Variants in RIMS1 observed in about 807,000 individuals in gnomAD.
The protein encoded by RIMS1 is regulating synaptic membrane exocytosis 1, also known as regulating synaptic membrane exocytosis protein 1.
RIMS1 carries 83 observed loss-of-function variants against 214.1 expected under a neutral mutation model. The ratio of observed to expected loss-of-function variants is 0.39; its 90% CI spans 0.32 to 0.47. The LOEUF (loss-of-function observed/expected upper bound fraction) is 0.47. Ranked by LOEUF, RIMS1 falls within the 20% of genes least tolerant of loss-of-function variation. The pLI, the probability that RIMS1 is intolerant of heterozygous loss-of-function variation, is 0.99. For missense variants in RIMS1, 2,050 were observed against 2,161.8 expected (o/e 0.95, Z 1.03); for synonymous variants, 793 against 786.8 (o/e 1.01, Z -0.13).
At chr6:72,331,875 A>G (rs757152150) in intron 28 of RIMS1, among the ~76,000 whole-genome samples, 1 of 151,878 alleles carries the variant, frequency 6.6e-6, no homozygotes, top group Non-Finnish European at 1.5e-5. Context: ...GACAAGTTCA[A>G]GTAATGCAGC....
chr6:72,227,367 A>G (rs2060500363), intron 6 of RIMS1, among the ~76,000 whole-genome samples: 2 of 151,976 alleles, frequency 1.3e-5, no homozygotes, highest in African/African-American at 2.4e-5. Flanking sequence ...CTCTATAGTT[A>G]TAATGCAGTT....
At chr6:72,162,729 G>A (rs1296255453) in intron 4 of RIMS1, among the ~76,000 whole-genome samples, 1 of 140,560 alleles carries the variant, frequency 7.1e-6, no homozygotes, top group African/African-American at 2.5e-5. Context: ...ACTGTCTTCT[G>A]GCTTGTAGAG....
chr6:71,991,294 T>C (rs1204251323), intron 2 of RIMS1, among the ~76,000 whole-genome samples: 1 of 152,174 alleles, frequency 6.6e-6, no homozygotes, highest in Non-Finnish European at 1.5e-5. Context: ...TTTAACAGCA[T>C]TTTATGTCGA....
intron 17 of RIMS1, 65 bp from the exon 18 acceptor site, chr6:72,258,921 A>C: frequency 5.4e-6 from 8 of 1,487,328 alleles, no homozygotes; most frequent in Non-Finnish European, 7.5e-6. Context: ...CCTTCACTTT[A>C]GTCTGTCTGC....
intron 2 of RIMS1, among the ~76,000 whole-genome samples, chr6:72,068,842 C>T (rs560495762): frequency 4.8e-4 from 72 of 151,288 alleles, no homozygotes; most frequent in African/African-American, 7.3e-5. Flanking sequence ...ACTCGGGAGG[C>T]GGAGCTTGCA....
intron 2 of RIMS1, among the ~76,000 whole-genome samples, chr6:72,045,808 A>T (rs1382237582): frequency 6.6e-6 from 1 of 150,768 alleles, no homozygotes; most frequent in Non-Finnish European, 1.5e-5. Context: ...TTCATTTTGA[A>T]TTTTTTATAT....
Position 72,333,694 on chromosome 6 carries a change from G to A in RIMS1, c.4225G>A (p.Glu1409Lys). The A allele has an allele frequency of 1.3e-6, 2 of 1,594,638 alleles. No homozygotes were observed. The highest frequency in any genetic ancestry group is 1.7e-6 in the Non-Finnish European group (2 of 1,170,534). Residue 1409 changes from glutamate to lysine, a missense_variant, in exon 29 of 34, where the codon GAG becomes AAG. Coordinates refer to ENST00000521978, the MANE Select transcript of RIMS1 (RefSeq NM_014989.7). Reference protein sequence around the residue: ...TSVSGEMYTLEHNDGSQSDTA... With the variant: ...TSVSGEMYTLKHNDGSQSDTA... ...TGTCAGTGGAGAGATGTACACACTG[G>A]AGCATAATGACGGCAGCCAGTCAGA... is the stretch of plus-strand genomic sequence containing the variant.
chr6:72,374,166 G>T (rs1262107279), intron 29 of RIMS1, among the ~76,000 whole-genome samples: 1 of 152,150 alleles, frequency 6.6e-6, no homozygotes, highest in Non-Finnish European at 1.5e-5. Flanking sequence ...GCCCGCCTCG[G>T]CCTCCCATAG....
chr6:71,980,842 T>C (rs1006949292), intron 2 of RIMS1, among the ~76,000 whole-genome samples: 23 of 152,048 alleles, frequency 1.5e-4, no homozygotes, highest in African/African-American at 5.6e-4. Flanking sequence ...GATGTAGTTA[T>C]GAAAGGGACA....
chr6:72,235,587 T>C, intron 7 of RIMS1, 31 bp from the exon 8 acceptor site: 1 of 1,402,144 alleles, frequency 7.1e-7, no homozygotes, highest in South Asian at 1.2e-5. Flanking sequence ...TCTGTATATA[T>C]TACTTTTTAA....
chr6:72,028,824 T>C (rs936858222), intron 2 of RIMS1, among the ~76,000 whole-genome samples: 37 of 152,192 alleles, frequency 2.4e-4, no homozygotes, highest in African/African-American at 8.4e-4. Context: ...TGTGTAAAGA[T>C]GGAGATTCAA....
intron 4 of RIMS1, among the ~76,000 whole-genome samples, chr6:72,153,166 C>G (rs1200469402): frequency 6.7e-6 from 1 of 148,456 alleles, no homozygotes; most frequent in Non-Finnish European, 1.5e-5. Context: ...GTATATATTC[C>G]CCTTATGTCC....
At chr6:72,241,133 TTAAAG>T (rs1211554848) in intron 9 of RIMS1, among the ~76,000 whole-genome samples, 4 of 152,198 alleles carry the variant, frequency 2.6e-5, no homozygotes, top group South Asian at 4.1e-4. Context: ...AATAATTACT[TTAAAG>T]TAATACTAGC....
At chr6:72,348,205 AC>A (rs2097330376) in intron 29 of RIMS1, among the ~76,000 whole-genome samples, 1 of 151,882 alleles carries the variant, frequency 6.6e-6, no homozygotes. Flanking sequence ...AGTACAGTTG[AC>A]TCTTAAACAA....
chr6:71,964,639 A>G (rs80246686), intron 1 of RIMS1, among the ~76,000 whole-genome samples: 3,049 of 152,256 alleles, frequency 0.02, 102 homozygotes, highest in African/African-American at 0.069. Context: ...AAATGTAGTT[A>G]TGATCAGCCA....
At chr6:72,278,078 A>G (rs1481081850) in intron 23 of RIMS1, among the ~76,000 whole-genome samples, 2 of 152,106 alleles carry the variant, frequency 1.3e-5, no homozygotes, top group African/African-American at 4.8e-5. Flanking sequence ...ATTTTGAGGT[A>G]TATTTTAACA....
At chr6:72,277,345 G>A (rs950052387) in intron 23 of RIMS1, among the ~76,000 whole-genome samples, 8 of 152,174 alleles carry the variant, frequency 5.3e-5, no homozygotes, top group Non-Finnish European at 2.9e-5. Flanking sequence ...ACTTTGGGAG[G>A]CCGAGGCGGG....
At chr6:72,186,853 G>A (rs1588749712) in intron 6 of RIMS1, among the ~76,000 whole-genome samples, 2 of 151,432 alleles carry the variant, frequency 1.3e-5, no homozygotes. Flanking sequence ...CATTCTGGCC[G>A]GGCGCAGTGG....
chr6:71,906,247 G>A (rs972713072), intron 1 of RIMS1, among the ~76,000 whole-genome samples: 6 of 152,228 alleles, frequency 3.9e-5, no homozygotes, highest in African/African-American at 1.2e-4. Flanking sequence ...GGCCTTGTTT[G>A]GACTTCACTT....
Sources: allele counts gnomAD v4.1 joint callset (sites outside exome capture counted in the v4.1 genomes callset), GRCh38; gene constraint gnomAD v4.1.1; transcripts MANE v1.5; gene names NCBI Gene and HGNC (gene_info 2026-07-23, HGNC 2026-07-21).